Variants in PCDH11X observed in about 807,000 individuals in gnomAD.
PCDH11X encodes the protein protocadherin-11 X-linked.
A neutral mutation model predicts 53.3 loss-of-function variants in PCDH11X; 18 were observed. The observed-to-expected ratio is 0.34, with a 90% CI of 0.23 to 0.50. PCDH11X has a LOEUF of 0.50. PCDH11X is among the 20% of genes least tolerant of loss of function. PCDH11X has a pLI of 0.98. For missense variants in PCDH11X, 570 were observed against 1,032.4 expected, an observed-to-expected ratio of 0.55 and a Z score of 6.14; for synonymous variants, 279 against 393.3, an observed-to-expected ratio of 0.71 and a Z score of 3.44.
chrX:92,061,033 G>A (rs6618833), intron 6 of PCDH11X, among the ~76,000 whole-genome samples: 32,847 of 110,884 alleles, frequency 0.3, 5,353 homozygotes, highest in African/African-American at 0.62. Context: ...TTACTGGCAT[G>A]CAATAGTATC....
At position 91,878,811 on chromosome X, in the gene PCDH11X, A is replaced by C; in HGVS notation, c.2571A>C (p.Pro857=). The change falls in exon 6 of 11, where the codon CCA becomes CCC. Residue 857 remains proline (P), a synonymous_variant. Transcript: ENST00000682573. ...KNKQNSEWAT[P]NPENRQMIMM... is the part of the protein sequence containing the mutation. ...AGCAGAATTCTGAATGGGCTACCCC[A>C]AACCCAGAAAACAGGCAGATGATAA... 8.3e-7 allele frequency: 1 copy of C among 1,211,588 alleles called. No homozygotes were observed. Among genetic ancestry groups the C allele is most frequent in the East Asian group, 3.0e-5 (1 of 33,828 alleles).
chrX:92,379,392 C>A (rs1288629425), intron 8 of PCDH11X, among the ~76,000 whole-genome samples: 2 of 112,853 alleles, frequency 1.8e-5, no homozygotes, highest in African/African-American at 3.2e-5. Flanking sequence ...GCTGCCTCAG[C>A]CCCCTCCAGA....
At chrX:92,183,319 C>A (rs1172406214) in intron 6 of PCDH11X, among the ~76,000 whole-genome samples, 1 of 94,221 alleles carries the variant, frequency 1.1e-5, no homozygotes, top group Non-Finnish European at 2.0e-5. Context: ...TGCAATGGCA[C>A]AATCTTGGCT....
At chrX:92,483,907 C>A (rs1290449547) in intron 10 of PCDH11X, among the ~76,000 whole-genome samples, 1 of 108,481 alleles carries the variant, frequency 9.2e-6, no homozygotes, top group East Asian at 2.9e-4. Context: ...CTTTGTCATA[C>A]ATATATTTTG....
intron 8 of PCDH11X, among the ~76,000 whole-genome samples, chrX:92,298,742 G>A (rs887667003): frequency 3.6e-5 from 4 of 110,685 alleles, no homozygotes; most frequent in African/African-American, 1.3e-4. Flanking sequence ...CTGAGGTTCG[G>A]GCTGCTATTT....
At chrX:92,531,884 T>C (rs150762188) in intron 10 of PCDH11X, among the ~76,000 whole-genome samples, 1,993 of 111,643 alleles carry the variant, frequency 0.018, 53 homozygotes, top group African/African-American at 0.061. Context: ...GTACTTTCCA[T>C]TGGTGTTGTA....
intron 6 of PCDH11X, among the ~76,000 whole-genome samples, chrX:92,031,061 A>G (rs1002033141): frequency 1.8e-5 from 2 of 111,125 alleles, no homozygotes; most frequent in African/African-American, 6.6e-5. Context: ...GGAACCTCCA[A>G]ACTTTTCTCC....
intron 6 of PCDH11X, among the ~76,000 whole-genome samples, chrX:92,045,775 A>T (rs2063277469): frequency 9.2e-6 from 1 of 108,498 alleles, no homozygotes; most frequent in Non-Finnish European, 1.9e-5. Flanking sequence ...CCCCGACTCT[A>T]CTAAAAATAC....
chrX:91,811,571 G>A (rs1291521369), intron 4 of PCDH11X, among the ~76,000 whole-genome samples: 1 of 110,867 alleles, frequency 9.0e-6, no homozygotes. Context: ...TGGCCTGGAT[G>A]GCCACACATG....
intron 10 of PCDH11X, among the ~76,000 whole-genome samples, chrX:92,610,239 C>A (rs1026079724): frequency 1.8e-5 from 2 of 112,026 alleles, no homozygotes; most frequent in Admixed American, 1.9e-4. Context: ...TCTCTTTTCT[C>A]CCCAACTTTG....
chrX:92,573,219 C>G, intron 10 of PCDH11X, among the ~76,000 whole-genome samples: 1 of 111,223 alleles, frequency 9.0e-6, no homozygotes, highest in Non-Finnish European at 1.9e-5. Flanking sequence ...CCTTGGTTTT[C>G]TATTCTGTAA....
At chrX:91,910,844 C>G (rs1009989289) in intron 6 of PCDH11X, among the ~76,000 whole-genome samples, 3 of 110,925 alleles carry the variant, frequency 2.7e-5, no homozygotes, top group African/African-American at 9.8e-5. Flanking sequence ...ATAATTGGTT[C>G]CATTAATAAT....
At chrX:92,461,531 A>ATATAG (rs1332995801) in intron 9 of PCDH11X, among the ~76,000 whole-genome samples, 2 of 112,243 alleles carry the variant, frequency 1.8e-5, no homozygotes, top group Non-Finnish European at 3.8e-5. Flanking sequence ...CTTGACCCGT[A>ATATAG]TCTCTTGCTA....
chrX:91,987,917 A>G (rs1308032967), intron 6 of PCDH11X, among the ~76,000 whole-genome samples: 1 of 111,106 alleles, frequency 9.0e-6, no homozygotes, highest in Non-Finnish European at 1.9e-5. Flanking sequence ...TTTTATCTGG[A>G]GAGAAACCAT....
intron 1 of PCDH11X, among the ~76,000 whole-genome samples, chrX:91,799,006 A>G (rs1935839698): frequency 9.0e-6 from 1 of 111,305 alleles, no homozygotes; most frequent in Admixed American, 9.6e-5. Context: ...ATGAAGACTT[A>G]GGTCACATTT....
At chrX:92,460,185 G>A in intron 9 of PCDH11X, 1 of 921,911 alleles carries the variant, frequency 1.1e-6, no homozygotes, top group Non-Finnish European at 1.6e-6. Flanking sequence ...AGCTGGCGAT[G>A]CGCCAGTCTG....
At chrX:91,830,565 G>T (rs1937070965) in intron 4 of PCDH11X, among the ~76,000 whole-genome samples, 1 of 110,384 alleles carries the variant, frequency 9.1e-6, no homozygotes, top group African/African-American at 3.3e-5. Flanking sequence ...TCCCAATGTG[G>T]TTACTTTTAT....
At chrX:91,993,395 G>A (rs1408104168) in intron 6 of PCDH11X, among the ~76,000 whole-genome samples, 1 of 112,322 alleles carries the variant, frequency 8.9e-6, no homozygotes, top group Non-Finnish European at 1.9e-5. Context: ...GAAATTGGAA[G>A]AGTATATCCT....
At chrX:92,513,032 T>A (rs891189094) in intron 10 of PCDH11X, among the ~76,000 whole-genome samples, 2 of 110,135 alleles carry the variant, frequency 1.8e-5, no homozygotes, top group Non-Finnish European at 3.8e-5. Context: ...AATATGAGGA[T>A]TAATTGAGAG....
Sources: allele counts gnomAD v4.1 joint callset (sites outside exome capture counted in the v4.1 genomes callset), GRCh38; gene constraint gnomAD v4.1.1; transcripts MANE v1.5; gene names NCBI Gene and HGNC (gene_info 2026-07-23, HGNC 2026-07-21).